The following BRD1 variants were observed in gnomAD, a reference collection of about 807,000 sequenced individuals.
The protein encoded by BRD1 is bromodomain-containing protein 1.
Under a neutral mutation model 107.7 loss-of-function variants are expected in BRD1, and 24 were observed. The observed-to-expected ratio is 0.22, with a 90% CI of 0.16 to 0.31. The LOEUF is 0.31. Ranked by LOEUF, BRD1 falls within the 10% of genes least tolerant of loss-of-function variation. The probability of loss-of-function intolerance (pLI) is 1.00; values close to 1 mark genes in which losing one functional copy is unlikely to be tolerated. For missense variants in BRD1, 1,279 were observed against 1,638.6 expected, an observed-to-expected ratio of 0.78 and a Z score of 3.79; for synonymous variants, 744 against 686.1, an observed-to-expected ratio of 1.08 and a Z score of -1.32.
chr22:49,781,152 C>T (rs983149590), intron 8 of BRD1, among the ~76,000 whole-genome samples: 2 of 152,176 alleles, frequency 1.3e-5, no homozygotes, highest in Admixed American at 1.3e-4. Context: ...CCTCAAGGGC[C>T]TTCCCAGTGA....
Position 49,794,049 on chromosome 22 carries a change from C to T in BRD1, c.2344G>A (p.Glu782Lys). 2.5e-6 allele frequency: 4 copies of T among 1,612,998 alleles called. No individual in the cohort carries two copies. The highest frequency in any genetic ancestry group is 2.5e-6 in the Non-Finnish European group (3 of 1,179,426). ...CGTGGCTTACCTTCCTCGCCCGCCT[C>T]CGGCCCCAGCGCAGCTCCGTCCTCT... ...FEEDGAALGP[E>K]AGEEGDKSPP... Residue 782 changes from glutamate to lysine, a missense_variant, in exon 7 of 13, where the codon GAG becomes AAG. Around this residue, in one of 7 missense-constraint regions of BRD1, gnomAD observed 406 missense variants for 519.4 expected, o/e 0.78. Coordinates refer to ENST00000404760, the MANE Select transcript of BRD1 (RefSeq NM_001304808.3).
At chr22:49,815,957 G>A (rs930894513) in intron 2 of BRD1, among the ~76,000 whole-genome samples, 8 of 152,182 alleles carry the variant, frequency 5.3e-5, no homozygotes, top group African/African-American at 1.9e-4. Context: ...GCCTCCCAGT[G>A]CCACCCGCAG....
At chr22:49,827,435 G>A (rs1194443060) in intron 1 of BRD1, 62 bp downstream of exon 1, 4 of 145,412 alleles carry the variant, frequency 2.8e-5, no homozygotes, top group African/African-American at 7.4e-5. Context: ...AGGCGGCGGC[G>A]GCGGCCGGGC....
rs1230592788 is a variant in BRD1 at position 49,783,360 on chromosome 22, G to C, written c.2857+4030C>G. On this transcript the variant is annotated intron_variant, in intron 8 of 12. Coordinates refer to ENST00000404760, the MANE Select transcript of BRD1 (RefSeq NM_001304808.3). This position sits in a 1 kb window ranked among gnomAD's most constrained non-coding sequence, Gnocchi z 4.2. ...AACAGAGGAAGGGGAAGTAAGGGGA[G>C]AAGGAAATCAGGTAGAAAACCCAGA... Among the ~76,000 whole-genome samples the C allele has an allele frequency of 6.6e-6, 1 of 152,264 alleles. No individual in the cohort carries two copies. The highest frequency in any genetic ancestry group is 1.9e-4 in the East Asian group (1 of 5,200).
At chr22:49,775,542 C>A in intron 12 of BRD1, 49 bp downstream of exon 12, 1 of 1,344,060 alleles carries the variant, frequency 7.4e-7, no homozygotes, top group Non-Finnish European at 9.6e-7. Context: ...GAGCCCACGG[C>A]CCCCAACCAC....
intron 2 of BRD1, chr22:49,818,396 T>C (rs1373788807): frequency 1.2e-5 from 14 of 1,172,092 alleles, no homozygotes; most frequent in Non-Finnish European, 1.5e-5. Flanking sequence ...AGGAGTTTTG[T>C]TAAACAGATT....
At chr22:49,804,139 T>C in intron 3 of BRD1, 65 bp downstream of exon 3, 2 of 1,419,878 alleles carry the variant, frequency 1.4e-6, no homozygotes, top group East Asian at 2.5e-5. Context: ...CTGAACCAGG[T>C]GCCCTCTCCC....
rs2059036007 is a variant in BRD1, at chr22:49,774,181, C to T, written c.*52G>A. On this transcript the variant is annotated 3_prime_UTR_variant, in exon 13 of 13. Coordinates refer to ENST00000404760, the MANE Select transcript of BRD1 (RefSeq NM_001304808.3). Reference sequence around the variant, plus strand: ...AGTTAAGTTTTGAACAATATACAAACATGTACAGCTTATCAACACTATGGA... The same window carrying T: ...AGTTAAGTTTTGAACAATATACAAATATGTACAGCTTATCAACACTATGGA... 1.3e-6 allele frequency: 2 copies of T among 1,556,362 alleles called. No individual in the cohort carries two copies. Among genetic ancestry groups the T allele is most frequent in the African/African-American group, 1.4e-5 (1 of 73,152 alleles).
At position 49,787,577 on chromosome 22, in the gene BRD1, A is replaced by G; in HGVS notation, c.2670T>C (p.Ser890=). The change falls in exon 8 of 13, where the codon AGT becomes AGC. Residue 890 remains serine, a synonymous_variant. Transcript: ENST00000404760. The stretch of plus-strand genomic sequence containing the variant: ...TCTTGGCAGACTTTGGGGGGCTTAC[A>G]CTTTTCGATTTGCAGAAGAGAACAG... The part of the protein sequence containing the change: ...RTSVLFCKSK[S]VSPPKSAKNT... 6.4e-7 allele frequency: 1 copy of G among 1,571,184 alleles called. No homozygotes were observed. The highest frequency in any genetic ancestry group is 1.2e-5 in the South Asian group (1 of 86,574).
intron 8 of BRD1, among the ~76,000 whole-genome samples, chr22:49,778,587 C>T (rs1232751560): frequency 1.3e-5 from 2 of 152,244 alleles, no homozygotes; most frequent in African/African-American, 4.8e-5. Flanking sequence ...CGATGAGGTC[C>T]CCCATGGGAG....
At chr22:49,816,769 G>T (rs1326612336) in intron 2 of BRD1, among the ~76,000 whole-genome samples, 1 of 152,242 alleles carries the variant, frequency 6.6e-6, no homozygotes, top group Non-Finnish European at 1.5e-5. Flanking sequence ...CTCCAACACT[G>T]CAGGAAGTGA....
At chr22:49,781,551 C>T (rs2059208376) in intron 8 of BRD1, among the ~76,000 whole-genome samples, 1 of 152,260 alleles carries the variant, frequency 6.6e-6, no homozygotes, top group Non-Finnish European at 1.5e-5. Flanking sequence ...GCCGAGACAC[C>T]TGAGGGCACG....
At position 49,775,571 on chromosome 22, in the gene BRD1, T is replaced by A. The variant is rs762107974; in HGVS notation, c.3386+20A>T. 1.9e-6 allele frequency: 3 copies of A among 1,554,038 alleles called. No individual in the cohort carries two copies. In the South Asian group the frequency reaches 3.7e-5, roughly 19 times the overall value. Reference sequence around the variant, plus strand: ...CAACCACCCCAGCCGGTCCCCGGAGTCTAAGGCCTCTCAACTCACCAACTT... The same window carrying A: ...CAACCACCCCAGCCGGTCCCCGGAGACTAAGGCCTCTCAACTCACCAACTT... On this transcript the variant is annotated intron_variant, in intron 12 of 12. Transcript: ENST00000404760.
chr22:49,803,965 C>T lies in BRD1; in HGVS notation c.1524+239G>A, dbSNP rs552634313. Among the ~76,000 whole-genome samples, 166 of 152,332 alleles carry T rather than the reference C, an allele frequency of 1.1e-3. No homozygotes were observed. Among genetic ancestry groups the T allele is most frequent in the African/African-American group, 3.9e-3 (161 of 41,572 alleles). On this transcript the variant is annotated intron_variant, in intron 3 of 12. Coordinates refer to ENST00000404760, the MANE Select transcript of BRD1 (RefSeq NM_001304808.3). This position sits in a 1 kb window ranked among gnomAD's most constrained non-coding sequence, Gnocchi z 4.4. Reference sequence around the variant, plus strand: ...GGCAGGGCAGGGCGGGGGAGCGCAACTCAAAACGGAAGAAACACCCAGTGA... The same window carrying T: ...GGCAGGGCAGGGCGGGGGAGCGCAATTCAAAACGGAAGAAACACCCAGTGA...
chr22:49,775,797 AC>A (rs2059071697), intron 11 of BRD1, 52 bp from the exon 12 acceptor site: 2 of 1,431,022 alleles, frequency 1.4e-6, no homozygotes, highest in Admixed American at 2.0e-5. Flanking sequence ...CCCATAAACA[AC>A]CCCACCTGTC....
intron 7 of BRD1, among the ~76,000 whole-genome samples, chr22:49,789,331 G>A (rs1016860529): frequency 1.3e-5 from 2 of 152,202 alleles, no homozygotes; most frequent in Non-Finnish European, 2.9e-5. Context: ...GCAATGCGGA[G>A]AAGGGCTGCT....
chr22:49,788,705 G>C (rs1032120831), intron 7 of BRD1, among the ~76,000 whole-genome samples: 1 of 152,196 alleles, frequency 6.6e-6, no homozygotes, highest in Non-Finnish European at 1.5e-5. Flanking sequence ...GAGGCTAACA[G>C]GGCGAGGCGA....
intron 2 of BRD1, among the ~76,000 whole-genome samples, chr22:49,808,118 G>A (rs2059779342): frequency 6.6e-6 from 1 of 152,228 alleles, no homozygotes; most frequent in African/African-American, 2.4e-5. Context: ...GTGGAAAACA[G>A]TGTTGTGGCT....
chr22:49,824,690 T>C lies in BRD1; in HGVS notation c.-14-359A>G, dbSNP rs571859430. 4.0e-5 allele frequency: 43 copies of C among 1,087,820 alleles called. No individual in the cohort carries two copies. The highest frequency in any genetic ancestry group is 3.7e-5 in the Non-Finnish European group (33 of 891,986). 67.4% of individuals were successfully genotyped at this position (1,087,820 alleles called of 1,614,324 possible). On this transcript the variant is annotated intron_variant, in intron 1 of 12. Coordinates refer to ENST00000404760, the MANE Select transcript of BRD1 (RefSeq NM_001304808.3). This position sits in a 1 kb window ranked among gnomAD's most constrained non-coding sequence, Gnocchi z 5.9. ...GCCCAGAGCCCACAGTTGCAGGACTTTCCCAGCATGCAGGCGGTCCCCCAG... is the reference window on the plus strand; with the variant it reads ...GCCCAGAGCCCACAGTTGCAGGACTCTCCCAGCATGCAGGCGGTCCCCCAG...
Sources: gnomAD v4.1 joint callset for allele counts (sites outside exome capture counted in the v4.1 genomes callset) on GRCh38, gnomAD v4.1.1 for gene constraint, gnomAD v4.1.1 regional missense constraint, Gnocchi (gnomAD v3.1) non-coding constraint, MANE v1.5 for transcripts, NCBI Gene and HGNC (gene_info 2026-07-23, HGNC 2026-07-21) for gene names.